SPNS2: variants seen among roughly 807,000 people sequenced by gnomAD.
SPNS2 encodes the protein sphingosine-1-phosphate transporter SPNS2.
SPNS2 carries 37 observed loss-of-function variants against 57.6 expected under a neutral mutation model. The ratio of observed to expected loss-of-function variants is 0.64; its 90% CI spans 0.49 to 0.85. The LOEUF (loss-of-function observed/expected upper bound fraction) is 0.85. Ranked by LOEUF, SPNS2 falls within the 40% of genes least tolerant of loss-of-function variation. SPNS2 has a pLI of 0.00. For missense variants in SPNS2, 831 were observed against 779.1 expected (o/e 1.07, Z -0.79); for synonymous variants, 440 against 346.9 (o/e 1.27, Z -2.98).
chr17:4,507,877 T>A (rs1027503961), intron 1 of SPNS2, among the ~76,000 whole-genome samples: 3 of 152,234 alleles, frequency 2.0e-5, no homozygotes, highest in Admixed American at 2.0e-4. Flanking sequence ...CGAGGGCTCT[T>A]GAGGTCAGTG....
chr17:4,523,096 C>G (rs919034104), intron 2 of SPNS2, among the ~76,000 whole-genome samples: 1 of 152,242 alleles, frequency 6.6e-6, no homozygotes, highest in African/African-American at 2.4e-5. Flanking sequence ...GATTTGTTTC[C>G]TTACCTCCTC....
At chr17:4,521,750 G>A (rs775961708) in intron 2 of SPNS2, among the ~76,000 whole-genome samples, 4 of 152,250 alleles carry the variant, frequency 2.6e-5, no homozygotes, top group Admixed American at 6.5e-5. Context: ...GTGTTTCAGC[G>A]TTATCTGTGG....
At chr17:4,536,600 G>T in intron 11 of SPNS2, 174 bp downstream of exon 11, 1 of 811,432 alleles carries the variant, frequency 1.2e-6, no homozygotes, top group East Asian at 2.7e-5. Context: ...TCAGCCTGGA[G>T]CTGTGGGAGG....
chr17:4,511,372 A>G lies in SPNS2; in HGVS notation c.371-1875A>G, dbSNP rs901049161. ...AGGAAGTGTGCAGAGTCAGGGGGCC[A>G]TGAGTAGTTTGGGGTGGCTAGTGGA... On this transcript the variant is annotated intron_variant, in intron 1 of 12. Coordinates refer to ENST00000329078, the MANE Select transcript of SPNS2 (RefSeq NM_001124758.3). The surrounding 1 kb of genome is among the most constrained non-coding windows in gnomAD (Gnocchi z 4.6). Among the ~76,000 whole-genome samples, 1 of 152,192 alleles carries G rather than the reference A, an allele frequency of 6.6e-6. No individual in the cohort carries two copies. The highest frequency in any genetic ancestry group is 6.5e-5 in the Admixed American group (1 of 15,274).
intron 2 of SPNS2, among the ~76,000 whole-genome samples, chr17:4,514,824 C>T (rs983501245): frequency 1.3e-5 from 2 of 152,206 alleles, no homozygotes. Context: ...GCCACATGGG[C>T]GCATGGGAAG....
chr17:4,536,564 T>C (rs1905822740), intron 11 of SPNS2, 138 bp downstream of exon 11: 2 of 1,132,832 alleles, frequency 1.8e-6, no homozygotes, highest in East Asian at 2.6e-5. Context: ...GTTGCTGGGG[T>C]CCAGCCCTGA....
chr17:4,520,758 C>T (rs1005935783), intron 2 of SPNS2, among the ~76,000 whole-genome samples: 1 of 152,114 alleles, frequency 6.6e-6, no homozygotes, highest in African/African-American at 2.4e-5. Context: ...GTCTGCCAAA[C>T]TGGGATTTAA....
At position 4,499,397 on chromosome 17, in the gene SPNS2, T is replaced by A; in HGVS notation, c.350T>A (p.Leu117Gln). The A allele has an allele frequency of 7.3e-7, 1 of 1,378,364 alleles. No individual in the cohort carries two copies. The highest frequency in any genetic ancestry group is 9.4e-7 in the Non-Finnish European group (1 of 1,065,848). The allele number at this position is 1,378,364 out of a possible 1,614,324, so 85.4% of individuals were successfully genotyped here. The change falls in exon 1 of 13, where the codon CTG becomes CAG. Residue 117 changes from leucine (L) to glutamine (Q), a missense_variant. Around this residue, in one of 2 missense-constraint regions of SPNS2, gnomAD observed 305 missense variants for 378.3 expected, o/e 0.81. Transcript: ENST00000329078. The surrounding 1 kb of genome is among the most constrained non-coding windows in gnomAD (Gnocchi z 5.2). ...ILSLGNVLNY[L>Q]DRYTVAGVLL... is the part of the protein sequence containing the mutation. ...AGCTTGGGCAACGTGCTCAACTACCTGGACAGGTACACCGTGGCAGGTGAG... is the reference window on the plus strand; with the variant it reads ...AGCTTGGGCAACGTGCTCAACTACCAGGACAGGTACACCGTGGCAGGTGAG...
rs1357097332 is a variant in SPNS2, at chr17:4,536,090, C to T, written c.1359C>T (p.Pro453=). The change falls in exon 10 of 13, where the codon CCC becomes CCT. Residue 453 remains proline, a synonymous_variant. Transcript: ENST00000329078. ...CTGTTCCGCAGTACGTGGTCATCCC[C>T]ACGCGGCGCGCCACTGCCGTGGCCT... ...TADILMYVVI[P]TRRATAVALQ... is the part of the protein sequence containing the mutation. The T allele has an allele frequency of 3.7e-6, 6 of 1,611,846 alleles. No individual in the cohort carries two copies. Among genetic ancestry groups the T allele is most frequent in the Non-Finnish European group, 5.1e-6 (6 of 1,179,746 alleles).
At chr17:4,524,727 C>T (rs979809035) in intron 2 of SPNS2, among the ~76,000 whole-genome samples, 1 of 152,220 alleles carries the variant, frequency 6.6e-6, no homozygotes, top group Non-Finnish European at 1.5e-5. Flanking sequence ...TGAGATATGA[C>T]ATGGTGAGCC....
intron 7 of SPNS2, 28 bp from the exon 8 acceptor site, chr17:4,533,215 C>G (rs768711756): frequency 1.9e-6 from 3 of 1,582,376 alleles, no homozygotes; most frequent in Non-Finnish European, 2.6e-6. Context: ...CGCCTCAACT[C>G]GTGCGCCACC....
At chr17:4,520,335 G>A (rs1005077957) in intron 2 of SPNS2, among the ~76,000 whole-genome samples, 1 of 152,220 alleles carries the variant, frequency 6.6e-6, no homozygotes, top group Admixed American at 6.5e-5. Context: ...GGTTGAAAGA[G>A]CTAAGAAGGG....
chr17:4,501,154 G>T (rs1286070144), intron 1 of SPNS2, among the ~76,000 whole-genome samples: 2 of 152,174 alleles, frequency 1.3e-5, no homozygotes, highest in African/African-American at 4.8e-5. Context: ...GCTGGTGTTA[G>T]CTCTAACAGT....
chr17:4,526,080 T>G (rs986776029), intron 3 of SPNS2, among the ~76,000 whole-genome samples: 1 of 152,150 alleles, frequency 6.6e-6, no homozygotes, highest in Non-Finnish European at 1.5e-5. Flanking sequence ...GGTAGGAAGA[T>G]TTGACAGGAA....
At position 4,510,351 on chromosome 17, in the gene SPNS2, G is replaced by C. The variant is rs1048750433; in HGVS notation, c.371-2896G>C. ...CTTCCTGTGTCCTGGGAACTGCCCA[G>C]GACTTCCCAGAGACCTTAGACGCCC... On this transcript the variant is annotated intron_variant, in intron 1 of 12. Transcript: ENST00000329078. The surrounding 1 kb of genome is among the most constrained non-coding windows in gnomAD (Gnocchi z 4.4). Among the ~76,000 whole-genome samples the C allele has an allele frequency of 2.6e-5, 4 of 152,156 alleles. No individual in the cohort carries two copies. The highest frequency in any genetic ancestry group is 2.0e-4 in the Admixed American group (3 of 15,288).
chr17:4,529,551 A>T (rs1292602644), intron 3 of SPNS2, among the ~76,000 whole-genome samples: 1 of 152,100 alleles, frequency 6.6e-6, no homozygotes, highest in Non-Finnish European at 1.5e-5. Context: ...GGGTGCCTAT[A>T]ATCCCACCTC....
intron 3 of SPNS2, among the ~76,000 whole-genome samples, chr17:4,529,678 AAG>A (rs1412628203): frequency 1.4e-5 from 2 of 139,110 alleles, no homozygotes; most frequent in Non-Finnish European, 3.3e-5. Context: ...CTGAAAAAAG[AAG>A]AAAAAAAAAG....
intron 3 of SPNS2, among the ~76,000 whole-genome samples, chr17:4,525,687 G>C (rs926737645): frequency 3.9e-5 from 6 of 152,214 alleles, no homozygotes; most frequent in Non-Finnish European, 7.3e-5. Context: ...CCACAGGCCT[G>C]GGCTTGAATA....
chr17:4,533,917 GC>G, intron 9 of SPNS2, 64 bp downstream of exon 9: 3 of 1,456,000 alleles, frequency 2.1e-6, no homozygotes, highest in Non-Finnish European at 2.9e-6. Context: ...TCACAGGGGT[GC>G]CTGGGGAGGG....
Sources: allele counts gnomAD v4.1 joint callset (sites outside exome capture counted in the v4.1 genomes callset), GRCh38; gene constraint gnomAD v4.1.1; regional missense constraint gnomAD v4.1.1; non-coding constraint Gnocchi (gnomAD v3.1); transcripts MANE v1.5; gene names NCBI Gene and HGNC (gene_info 2026-07-23, HGNC 2026-07-21).